The following CSMD1 variants were observed in gnomAD, a reference collection of about 807,000 sequenced individuals.
CSMD1 encodes the protein CUB and sushi domain-containing protein 1.
In CSMD1, 213 loss-of-function variants were observed where a neutral mutation model predicts 417.5. That is an observed-to-expected ratio of 0.51 (90% CI 0.46 to 0.57). The LOEUF (loss-of-function observed/expected upper bound fraction) is 0.57. Ranked by LOEUF, CSMD1 falls within the 20% of genes least tolerant of loss-of-function variation. The pLI, the probability that CSMD1 is intolerant of heterozygous loss-of-function variation, is 0.00. For synonymous variants in CSMD1, 2,862 were observed against 1,736.8 expected, an observed-to-expected ratio of 1.65 and a Z score of -16.11; for missense variants, 6,923 against 4,529.7, an observed-to-expected ratio of 1.53 and a Z score of -15.17.
In CSMD1 at chr8:3,998,056, G is replaced by T. The variant is rs748546639; in HGVS notation, c.665C>A (p.Pro222Gln). 1 of 1,597,426 alleles carries T rather than the reference G, an allele frequency of 6.3e-7. No individual in the cohort carries two copies. Among genetic ancestry groups the T allele is most frequent in the Non-Finnish European group, 8.5e-7 (1 of 1,171,434 alleles). The change falls in exon 5 of 70, where the codon CCG (proline) becomes CAG (glutamine). Residue 222 changes from proline to glutamine, a missense_variant. Transcript: ENST00000635120. ...GTTCTCGTACTCTGAAGGGAAGTGC[G>T]GGCTGGAGATGGAGCTGCTGGTCCC... ...LRGTSSSISSPHFPSEYENNA... is the reference protein window; with the variant it reads ...LRGTSSSISSQHFPSEYENNA...
At position 4,479,031 on chromosome 8, in the gene CSMD1, A is replaced by T. The variant is rs569381870; in HGVS notation, c.303-58966T>A. On this transcript the variant is annotated intron_variant, in intron 2 of 69. Coordinates refer to ENST00000635120, the MANE Select transcript of CSMD1 (RefSeq NM_033225.6). ...CACTGTTGCAATTCCTAGGGAAGAT[A>T]ACACAGAGTATGGCAGGGGCTCAAT... 2.0e-5 allele frequency among the ~76,000 whole-genome samples: 3 copies of T among 152,328 alleles called. No homozygotes were observed. In the East Asian group the frequency reaches 5.8e-4, roughly 29 times the overall value.
At chr8:4,527,960 T>A (rs954135078) in intron 2 of CSMD1, among the ~76,000 whole-genome samples, 4 of 152,150 alleles carry the variant, frequency 2.6e-5, no homozygotes, top group Non-Finnish European at 5.9e-5. Flanking sequence ...GCACTCTGGA[T>A]TGTATTCAGT....
intron 3 of CSMD1, among the ~76,000 whole-genome samples, chr8:4,033,307 T>C (rs992408619): frequency 6.6e-6 from 1 of 151,874 alleles, no homozygotes; most frequent in Non-Finnish European, 1.5e-5. Context: ...CCGGGCGTGG[T>C]GGCGGGCACC....
intron 4 of CSMD1, among the ~76,000 whole-genome samples, chr8:4,022,145 T>A (rs1180076998): frequency 1.4e-5 from 2 of 144,306 alleles, no homozygotes; most frequent in East Asian, 2.0e-4. Flanking sequence ...TAAATATGTA[T>A]ATATTTGTAT....
intron 5 of CSMD1, among the ~76,000 whole-genome samples, chr8:3,881,608 CAAA>C (rs370466578): frequency 9.8e-6 from 1 of 102,546 alleles, no homozygotes; most frequent in African/African-American, 3.2e-5. Context: ...GACTCCATCT[CAAA>C]AAAAAAAAAA....
intron 3 of CSMD1, among the ~76,000 whole-genome samples, chr8:4,144,159 C>T (rs1162921487): frequency 6.0e-5 from 9 of 151,004 alleles, no homozygotes; most frequent in Non-Finnish European, 1.3e-4. Context: ...TCTGATACAG[C>T]TTTGGGAAGA....
chr8:4,192,963 A>G (rs1206758188), intron 3 of CSMD1, among the ~76,000 whole-genome samples: 1 of 152,204 alleles, frequency 6.6e-6, no homozygotes, highest in Non-Finnish European at 1.5e-5. Flanking sequence ...TCCTATTTTC[A>G]TAATATTTGA....
intron 3 of CSMD1, among the ~76,000 whole-genome samples, chr8:4,255,949 G>A (rs759596328): frequency 3.3e-5 from 5 of 152,154 alleles, no homozygotes; most frequent in South Asian, 2.1e-4. Context: ...ACAGCCTAAC[G>A]TGGTGTCCAA....
At chr8:4,011,334 C>T (rs537049300) in intron 4 of CSMD1, among the ~76,000 whole-genome samples, 5 of 152,290 alleles carry the variant, frequency 3.3e-5, no homozygotes, top group South Asian at 4.2e-4. Context: ...CCAATTGCCC[C>T]CATTCAAAAA....
intron 23 of CSMD1, among the ~76,000 whole-genome samples, chr8:3,316,662 G>A (rs139086238): frequency 2.0e-5 from 3 of 152,100 alleles, no homozygotes; most frequent in African/African-American, 7.2e-5. Flanking sequence ...ATTTGTATAT[G>A]CTGATGCTTC....
intron 3 of CSMD1, among the ~76,000 whole-genome samples, chr8:4,040,747 G>A (rs1386061613): frequency 6.6e-6 from 1 of 152,098 alleles, no homozygotes. Context: ...TCAAAAACAA[G>A]GTAAGCGACC....
intron 12 of CSMD1, among the ~76,000 whole-genome samples, chr8:3,456,799 G>C (rs1213387737): frequency 6.6e-6 from 1 of 152,026 alleles, no homozygotes; most frequent in African/African-American, 2.4e-5. Flanking sequence ...TTATAGATGA[G>C]GCTACTAAAG....
chr8:3,062,502 T>C (rs1014491489), intron 49 of CSMD1, among the ~76,000 whole-genome samples: 5 of 151,890 alleles, frequency 3.3e-5, no homozygotes. Context: ...AACTAATGAC[T>C]TGGCTTTTGC....
chr8:4,593,166 G>C (rs965498855), intron 2 of CSMD1, among the ~76,000 whole-genome samples: 1 of 152,164 alleles, frequency 6.6e-6, no homozygotes, highest in Non-Finnish European at 1.5e-5. Context: ...GAGAGGACCA[G>C]GCAGTCACTG....
intron 5 of CSMD1, among the ~76,000 whole-genome samples, chr8:3,949,656 G>A (rs924085757): frequency 2.0e-5 from 3 of 152,100 alleles, no homozygotes; most frequent in East Asian, 1.9e-4. Context: ...AAGGGGCAAC[G>A]AGGATGAGAG....
chr8:4,188,743 G>C (rs923938113), intron 3 of CSMD1, among the ~76,000 whole-genome samples: 3 of 151,566 alleles, frequency 2.0e-5, no homozygotes, highest in Admixed American at 6.6e-5. Flanking sequence ...GTAATGTCTA[G>C]AAAAGAAAGA....
At chr8:4,083,253 TC>T (rs1800236550) in intron 3 of CSMD1, among the ~76,000 whole-genome samples, 1 of 152,170 alleles carries the variant, frequency 6.6e-6, no homozygotes, top group African/African-American at 2.4e-5. Flanking sequence ...TGTTCTTATT[TC>T]TCCACAACCT....
At chr8:4,452,826 G>A (rs1449896585) in intron 2 of CSMD1, among the ~76,000 whole-genome samples, 1 of 151,922 alleles carries the variant, frequency 6.6e-6, no homozygotes, top group African/African-American at 2.4e-5. Context: ...CTCAATATCA[G>A]GTGAAAAAAA....
Position 3,407,944 on chromosome 8 carries a change from A to T in CSMD1, c.2026T>A (p.Ser676Thr), listed in dbSNP as rs1812454594. 6.2e-7 allele frequency: 1 copy of T among 1,613,570 alleles called. No homozygotes were observed. The highest frequency in any genetic ancestry group is 1.1e-5 in the South Asian group (1 of 90,992). ...CCTCTGCCAGTAGTGGAATGGTCAG[A>T]CTGAAATTCCAAGCGAACTATATGC... is the stretch of plus-strand genomic sequence containing the variant. ...SGHIVRLEFQ[S>T]DHSTTGRGFN... The change falls in exon 14 of 70, where the codon TCT (serine) becomes ACT (threonine). Residue 676 changes from serine to threonine, a missense_variant. Coordinates refer to ENST00000635120, the MANE Select transcript of CSMD1 (RefSeq NM_033225.6).
Sources: gnomAD v4.1 joint callset for allele counts (sites outside exome capture counted in the v4.1 genomes callset) on GRCh38, gnomAD v4.1.1 for gene constraint, MANE v1.5 for transcripts, NCBI Gene and HGNC (gene_info 2026-07-23, HGNC 2026-07-21) for gene names.